Variants in DOCK11 observed in about 807,000 individuals in gnomAD.
DOCK11 encodes dedicator of cytokinesis protein 11.
In DOCK11, 70 loss-of-function variants were observed where a neutral mutation model predicts 169.1. The observed-to-expected ratio is 0.41, with a 90% CI of 0.34 to 0.51. The LOEUF is 0.51. DOCK11 is among the 20% of genes least tolerant of loss of function. The pLI, the probability that DOCK11 is intolerant of heterozygous loss-of-function variation, is 0.10. For missense variants in DOCK11, 1,166 were observed against 1,538.8 expected, an observed-to-expected ratio of 0.76 and a Z score of 4.05; for synonymous variants, 529 against 541.3, an observed-to-expected ratio of 0.98 and a Z score of 0.32.
At chrX:118,568,370 TTATATATATATATATATATATATA>T (rs397839351) in intron 10 of DOCK11, among the ~76,000 whole-genome samples, 1,831 of 36,733 alleles carry the variant, frequency 0.05, 46 homozygotes, top group African/African-American at 0.059. Flanking sequence ...TGGGGCTGAA[TTATATATATATATATATATATATA>T]TATATATATA....
At chrX:118,608,002 C>T (rs750706614) in intron 24 of DOCK11, 70 bp from the exon 25 acceptor site, 353 of 938,676 alleles carry the variant, frequency 3.8e-4, no homozygotes, top group Non-Finnish European at 4.8e-4. Flanking sequence ...CTAGACATGA[C>T]GATCTTAAGA....
At chrX:118,673,303 T>C (rs1308986877) in intron 46 of DOCK11, among the ~76,000 whole-genome samples, 3 of 111,753 alleles carry the variant, frequency 2.7e-5, no homozygotes, top group Non-Finnish European at 5.6e-5. Context: ...ATAGATGAAG[T>C]AATTGTGTTT....
At chrX:118,681,456 T>TG (rs1352318270) in intron 50 of DOCK11, among the ~76,000 whole-genome samples, 1 of 112,845 alleles carries the variant, frequency 8.9e-6, no homozygotes, top group Non-Finnish European at 1.9e-5. Context: ...ATAAGTCCGA[T>TG]GACTGTAGCG....
rs982553754 is a variant in DOCK11, at chrX:118,651,849, G to A, written c.4582-115G>A. On this transcript the variant is annotated intron_variant, in intron 41 of 52. Transcript: ENST00000276202. ...GAAGGGTACATTATGATGGTACAGT[G>A]TAGAATCTTTAAAAGAAGCATTTCA... 4.7e-5 allele frequency: 23 copies of A among 486,143 alleles called. No individual in the cohort carries two copies. The African/African-American group carries it at 5.5e-4, about 12-fold the overall frequency. 40.1% of individuals were successfully genotyped at this position (486,143 alleles called of 1,213,427 possible). A position where few individuals can be genotyped will look rare whatever the true frequency, so the allele number is the denominator to read the frequency against.
intron 18 of DOCK11, among the ~76,000 whole-genome samples, chrX:118,589,133 G>A (rs2013906621): frequency 8.9e-6 from 1 of 111,871 alleles, no homozygotes; most frequent in South Asian, 3.7e-4. Flanking sequence ...TGGATGCTGG[G>A]TCTTACACTC....
intron 45 of DOCK11, among the ~76,000 whole-genome samples, chrX:118,664,907 A>AT (rs1385381253): frequency 1.8e-5 from 2 of 112,156 alleles, no homozygotes; most frequent in Non-Finnish European, 3.8e-5. Flanking sequence ...AAAAAATTGT[A>AT]TTAAACAATG....
chrX:118,496,665 T>C (rs2057540291), intron 1 of DOCK11, among the ~76,000 whole-genome samples: 1 of 109,865 alleles, frequency 9.1e-6, no homozygotes. Context: ...TGGTGATGGG[T>C]GTTGAAGGGG....
At chrX:118,496,867 T>C (rs751541440) in intron 1 of DOCK11, among the ~76,000 whole-genome samples, 25 of 110,624 alleles carry the variant, frequency 2.3e-4, no homozygotes, top group Admixed American at 5.7e-4. Context: ...GGACCTGGGG[T>C]CAGAGCCCCA....
intron 1 of DOCK11, among the ~76,000 whole-genome samples, chrX:118,517,755 A>C (rs1201737785): frequency 8.9e-6 from 1 of 111,941 alleles, no homozygotes; most frequent in Non-Finnish European, 1.9e-5. Context: ...ACTTGCATTT[A>C]ATTCCTATCT....
chrX:118,634,821 C>T (rs1374945948), intron 35 of DOCK11, among the ~76,000 whole-genome samples: 2 of 111,948 alleles, frequency 1.8e-5, no homozygotes, highest in Non-Finnish European at 3.8e-5. Context: ...CTCCGCCTCC[C>T]GGGTTCAAGC....
In DOCK11 at chrX:118,566,565, A is replaced by G; in HGVS notation, c.872-9A>G. Reference sequence around the variant, plus strand: ...TGGTTTAGAACATCTGCTTTTAATGAATTTGCAGATGATGAAACTAGCAGC... The same window carrying G: ...TGGTTTAGAACATCTGCTTTTAATGGATTTGCAGATGATGAAACTAGCAGC... On this transcript the variant is annotated splice_polypyrimidine_tract_variant and intron_variant, in intron 8 of 52. Transcript: ENST00000276202. 1 of 1,207,043 alleles carries G rather than the reference A, an allele frequency of 8.3e-7. No individual in the cohort carries two copies.
chrX:118,641,706 C>T (rs945218655), intron 39 of DOCK11, among the ~76,000 whole-genome samples: 5 of 111,209 alleles, frequency 4.5e-5, no homozygotes, highest in Non-Finnish European at 7.5e-5. Flanking sequence ...TCCCTAGGCG[C>T]GCACTTAGTG....
intron 1 of DOCK11, among the ~76,000 whole-genome samples, chrX:118,537,253 G>A (rs1416123430): frequency 9.0e-6 from 1 of 111,420 alleles, no homozygotes; most frequent in African/African-American, 3.3e-5. Context: ...GCGTGGTGGT[G>A]CAGGGATGTT....
intron 29 of DOCK11, 132 bp downstream of exon 29, chrX:118,614,907 A>G: frequency 2.0e-6 from 1 of 494,162 alleles, no homozygotes. Context: ...CATACGTAAA[A>G]GCAAGGAATA....
At chrX:118,509,298 G>A (rs1161855553) in intron 1 of DOCK11, among the ~76,000 whole-genome samples, 1 of 109,704 alleles carries the variant, frequency 9.1e-6, no homozygotes, top group Non-Finnish European at 1.9e-5. Flanking sequence ...TGGAAACAGA[G>A]TCTTCCCAGG....
intron 52 of DOCK11, among the ~76,000 whole-genome samples, chrX:118,685,171 A>G (rs1900089270): frequency 8.9e-6 from 1 of 112,287 alleles, no homozygotes; most frequent in South Asian, 3.6e-4. Context: ...TTCCAAGAAA[A>G]ATCTTCTGTA....
intron 4 of DOCK11, 146 bp from the exon 5 acceptor site, chrX:118,545,177 A>T: frequency 2.6e-6 from 1 of 386,252 alleles, no homozygotes; most frequent in Non-Finnish European, 4.4e-6. Context: ...GGAGAATAGG[A>T]TGTCTTGGCA....
chrX:118,579,963 TG>T (rs755963081), intron 13 of DOCK11, 133 bp from the exon 14 acceptor site: 24 of 463,582 alleles, frequency 5.2e-5, no homozygotes, highest in Non-Finnish European at 8.3e-5. Context: ...CATGTTATTC[TG>T]CTTGTGGCTA....
At chrX:118,552,371 G>T (rs917348174) in intron 6 of DOCK11, among the ~76,000 whole-genome samples, 1 of 111,819 alleles carries the variant, frequency 8.9e-6, no homozygotes, top group African/African-American at 3.2e-5. Context: ...CATTCAAGTC[G>T]ATGGGCTGTA....
Sources: gnomAD v4.1 joint callset for allele counts (sites outside exome capture counted in the v4.1 genomes callset) on GRCh38, gnomAD v4.1.1 for gene constraint, MANE v1.5 for transcripts, NCBI Gene and HGNC (gene_info 2026-07-23, HGNC 2026-07-21) for gene names.